The following MYO15A variants were observed in gnomAD, a reference collection of about 807,000 sequenced individuals.
The protein encoded by MYO15A is unconventional myosin-XV.
A neutral mutation model predicts 394.6 loss-of-function variants in MYO15A; 308 were observed. The observed-to-expected ratio is 0.78, with a 90% confidence interval of 0.71 to 0.86. MYO15A has a LOEUF of 0.86. Ranked by LOEUF, MYO15A falls within the 40% of genes least tolerant of loss-of-function variation. The probability of loss-of-function intolerance (pLI) is 0.00; values close to 1 mark genes in which losing one functional copy is unlikely to be tolerated. For missense variants in MYO15A, 4,606 were observed against 4,799.1 expected, an observed-to-expected ratio of 0.96 and a Z score of 1.19; for synonymous variants, 1,957 against 2,003.8, an observed-to-expected ratio of 0.98 and a Z score of 0.62.
intron 23 of MYO15A, 59 bp downstream of exon 23, chr17:18,141,829 ACT>A: frequency 6.5e-7 from 1 of 1,545,604 alleles, no homozygotes; most frequent in Non-Finnish European, 8.9e-7. Flanking sequence ...GTCCACAACT[ACT>A]GAGTCAGAAA....
At chr17:18,126,654 G>A (rs1479429464) in intron 5 of MYO15A, 137 bp from the exon 6 acceptor site, 1 of 1,165,910 alleles carries the variant, frequency 8.6e-7, no homozygotes, top group Non-Finnish European at 1.3e-6. Context: ...ACCAGGATGG[G>A]GGTGGGAGCA....
Position 18,152,135 on chromosome 17 carries a change from G to A in MYO15A, c.7917G>A (p.Leu2639=). 6.4e-7 allele frequency: 1 copy of A among 1,551,636 alleles called. No individual in the cohort carries two copies. Among genetic ancestry groups the A allele is most frequent in the African/African-American group, 1.4e-5 (1 of 73,192 alleles). Residue 2639 remains leucine, a synonymous_variant, in exon 42 of 66, where the codon CTG becomes CTA. Transcript: ENST00000647165. ...AGGTGTCCAGAGAGGCCGTGGCCCT[G>A]GTGAAGCCGGTGACCAGTGCACCAA... The part of the protein sequence containing the change: ...GTQVSREAVA[L]VKPVTSAPRP...
In MYO15A at chr17:18,161,384, C is replaced by T. The variant is rs267604764; in HGVS notation, c.9454C>T (p.Leu3152Phe). The change falls in exon 57 of 66, where the codon CTC becomes TTC. Residue 3152 changes from leucine (L) to phenylalanine (F), a missense_variant. Physicochemically the swap from Leu to Phe is conservative, Grantham distance 22 (BLOSUM62 0). Coordinates refer to ENST00000647165, the MANE Select transcript of MYO15A (RefSeq NM_016239.4). ...CGCCTACCACAGCTGCTCTGAGGTC[C>T]TCCACCCACACCTCACTCGCTTCCT... Reference protein sequence around the residue: ...VTAYHSCSEVLHPHLTRFLQD... With the variant: ...VTAYHSCSEVFHPHLTRFLQD... The T allele has an allele frequency of 2.5e-6, 4 of 1,614,092 alleles. No individual in the cohort carries two copies. Among genetic ancestry groups the T allele is most frequent in the Non-Finnish European group, 3.4e-6 (4 of 1,180,022 alleles).
Position 18,120,350 on chromosome 17 carries a change from A to G in MYO15A, c.1550A>G (p.Glu517Gly), listed in dbSNP as rs1420715852. Reference protein sequence around the residue: ...LGDADEEEDEEELPPVSAVPY... With the variant: ...LGDADEEEDEGELPPVSAVPY... ...GATGCGGACGAAGAAGAGGACGAGGAGGAGCTGCCCCCGGTTTCCGCTGTG... is the reference window on the plus strand; with the variant it reads ...GATGCGGACGAAGAAGAGGACGAGGGGGAGCTGCCCCCGGTTTCCGCTGTG... Residue 517 changes from glutamate (E) to glycine (G), a missense_variant, in exon 2 of 66, where the codon GAG becomes GGG. Coordinates refer to ENST00000647165, the MANE Select transcript of MYO15A (RefSeq NM_016239.4). 2 of 1,612,166 alleles carry G rather than the reference A, an allele frequency of 1.2e-6. No homozygotes were observed. The highest frequency in any genetic ancestry group is 1.7e-6 in the Non-Finnish European group (2 of 1,179,964).
At chr17:18,138,368 G>GA (rs2046318557) in intron 17 of MYO15A, 122 bp downstream of exon 17, 1 of 1,272,288 alleles carries the variant, frequency 7.9e-7, no homozygotes, top group African/African-American at 1.5e-5. Flanking sequence ...GGGGGGTTGG[G>GA]ACACCCGACC....
Position 18,120,889 on chromosome 17 carries a change from C to T in MYO15A, c.2089C>T (p.Leu697Phe). The T allele has an allele frequency of 7.3e-7, 1 of 1,377,426 alleles. No homozygotes were observed. The highest frequency in any genetic ancestry group is 1.5e-5 in the African/African-American group (1 of 64,678). The allele number at this position is 1,377,426 out of a possible 1,614,324, so 85.3% of individuals were successfully genotyped here. A position where few individuals can be genotyped will look rare whatever the true frequency, so the allele number is the denominator to read the frequency against. Residue 697 changes from leucine to phenylalanine, a missense_variant, in exon 2 of 66, where the codon CTC becomes TTC. Leu to Phe is a conservative substitution (Grantham distance 22). Transcript: ENST00000647165. ...CCGGCCGGCCTCGCCCTACGGCTCC[C>T]TCCGCCGCCACCCGCCGCCCTGGGC... is the stretch of plus-strand genomic sequence containing the variant. Reference protein sequence around the residue: ...LPRPASPYGSLRRHPPPWAAP... With the variant: ...LPRPASPYGSFRRHPPPWAAP...
chr17:18,121,148 C>T lies in MYO15A; in HGVS notation c.2348C>T (p.Ser783Leu), dbSNP rs2045918653. 4.0e-6 allele frequency: 6 copies of T among 1,510,734 alleles called. No homozygotes were observed. Among genetic ancestry groups the T allele is most frequent in the Non-Finnish European group, 5.3e-6 (6 of 1,135,726 alleles). 93.6% of individuals were successfully genotyped at this position (1,510,734 alleles called of 1,614,324 possible). ...LASPQPSLRSSPGLGYCSPLA... is the reference protein window; with the variant it reads ...LASPQPSLRSLPGLGYCSPLA... ...TCGCCCCAGCCCTCGCTGAGGAGCT[C>T]GCCGGGCCTCGGCTACTGCTCACCC... is the stretch of plus-strand genomic sequence containing the variant. The change falls in exon 2 of 66, where the codon TCG becomes TTG. Residue 783 changes from serine (S) to leucine (L), a missense_variant. Ser to Leu is a moderately radical substitution (Grantham distance 145). This residue lies in a region of MYO15A where 1,830 missense variants were observed against 1,689.7 expected (regional missense o/e 1.08). Transcript: ENST00000647165. This position sits in a 1 kb window ranked among gnomAD's most constrained non-coding sequence, Gnocchi z 5.3.
rs753993808 is a variant in MYO15A, at chr17:18,146,054, C to T, written c.6456C>T (p.Ala2152=). 7.4e-6 allele frequency: 12 copies of T among 1,613,872 alleles called. No individual in the cohort carries two copies. Among genetic ancestry groups the T allele is most frequent in the East Asian group, 2.2e-5 (1 of 44,892 alleles). The change falls in exon 30 of 66, where the codon GCC becomes GCT. Residue 2152 remains alanine (A), a synonymous_variant. Coordinates refer to ENST00000647165, the MANE Select transcript of MYO15A (RefSeq NM_016239.4). The part of the protein sequence containing the change: ...HNAERGWLLL[A]ACLSGFAPSP... ...CTGAGCGGGGCTGGCTGCTGCTGGC[C>T]GCCTGCCTCAGTGGCTTTGCACCTT...
chr17:18,113,797 GACACACACACACACACACAC>G (rs4025536), intron 1 of MYO15A, among the ~76,000 whole-genome samples: 1 of 138,838 alleles, frequency 7.2e-6, no homozygotes, highest in Non-Finnish European at 1.5e-5. Context: ...CACCTCCCCT[GACACACACACACACACACAC>G]ACACACACAC....
chr17:18,159,281 C>G lies in MYO15A; in HGVS notation c.9163C>G (p.Leu3055Val). ...CAGCCCTCTTCCCCCACAGACTCCC[C>G]TCCAGGAATCCCTCATCGAACTCAG... ...EDMLCFTKTPLQESLIELSDS... is the reference protein window; with the variant it reads ...EDMLCFTKTPVQESLIELSDS... Residue 3055 changes from leucine to valine, a missense_variant, in exon 54 of 66, where the codon CTC becomes GTC. Around this residue, in one of 2 missense-constraint regions of MYO15A, gnomAD observed 2,776 missense variants for 3,109.3 expected, o/e 0.89. Coordinates refer to ENST00000647165, the MANE Select transcript of MYO15A (RefSeq NM_016239.4). 6.2e-7 allele frequency: 1 copy of G among 1,614,200 alleles called. No individual in the cohort carries two copies. Among genetic ancestry groups the G allele is most frequent in the Non-Finnish European group, 8.5e-7 (1 of 1,180,016 alleles).
At chr17:18,135,637 G>C in intron 12 of MYO15A, 74 bp from the exon 13 acceptor site, 3 of 1,426,170 alleles carry the variant, frequency 2.1e-6, no homozygotes, top group South Asian at 1.2e-5. Flanking sequence ...CACAGTGCCC[G>C]GCCCTGTTTT....
chr17:18,136,526 CG>C, intron 14 of MYO15A, 36 bp from the exon 15 acceptor site: 1 of 1,613,866 alleles, frequency 6.2e-7, no homozygotes, highest in South Asian at 1.1e-5. Context: ...CACCCCACCA[CG>C]GTGTCCTGCT....
intron 30 of MYO15A, among the ~76,000 whole-genome samples, chr17:18,146,635 C>T (rs1048601778): frequency 6.6e-6 from 1 of 152,166 alleles, no homozygotes; most frequent in African/African-American, 2.4e-5. Context: ...GCTAAAACAT[C>T]AGCACAAGAC....
At chr17:18,170,692 T>C (rs965216263) in intron 62 of MYO15A, among the ~76,000 whole-genome samples, 1 of 152,080 alleles carries the variant, frequency 6.6e-6, no homozygotes, top group African/African-American at 2.4e-5. Flanking sequence ...TTTTAATGTA[T>C]AATTTTAAGT....
chr17:18,152,085 C>T (rs1436048678), intron 41 of MYO15A, 27 bp from the exon 42 acceptor site: 72 of 1,550,902 alleles, frequency 4.6e-5, no homozygotes, highest in Non-Finnish European at 6.0e-5. Flanking sequence ...CTGTTGCCCC[C>T]TGAGCAGTCT....
Position 18,163,797 on chromosome 17 carries a change from A to T in MYO15A, c.9746A>T (p.Glu3249Val), listed in dbSNP as rs1348309190. Reference sequence around the variant, plus strand: ...GCTGAGATGGCTCTGACACGCCCTGAGGCCTTCAATGAATATGTTATCTTC... The same window carrying T: ...GCTGAGATGGCTCTGACACGCCCTGTGGCCTTCAATGAATATGTTATCTTC... Reference protein sequence around the residue: ...ICAEMALTRPEAFNEYVIFVV... With the variant: ...ICAEMALTRPVAFNEYVIFVV... The change falls in exon 60 of 66, where the codon GAG becomes GTG. Residue 3249 changes from glutamate (E) to valine (V), a missense_variant. Physicochemically the swap from Glu to Val is moderately radical, Grantham distance 121. This residue lies in a region of MYO15A where 2,776 missense variants were observed against 3,109.3 expected (regional missense o/e 0.89). Transcript: ENST00000647165. The T allele has an allele frequency of 1.2e-6, 2 of 1,614,092 alleles. No individual in the cohort carries two copies. Among genetic ancestry groups the T allele is most frequent in the Non-Finnish European group, 1.7e-6 (2 of 1,179,978 alleles).
At chr17:18,127,308 C>T (rs1248375848) in intron 7 of MYO15A, 143 bp downstream of exon 7, 8 of 972,614 alleles carry the variant, frequency 8.2e-6, no homozygotes, top group Non-Finnish European at 1.2e-5. Context: ...CCCAGGGCTG[C>T]TTTTTCTGCC....
chr17:18,156,528 C>T (rs2142385212), intron 48 of MYO15A, among the ~76,000 whole-genome samples, 192 bp downstream of exon 48: 1 of 152,362 alleles, frequency 6.6e-6, no homozygotes, highest in Non-Finnish European at 1.5e-5. Flanking sequence ...TGCCAGTGCC[C>T]CCTGCCGGGT....
chr17:18,120,802 C>A lies in MYO15A; in HGVS notation c.2002C>A (p.Arg668=). The A allele has an allele frequency of 7.7e-7, 1 of 1,299,288 alleles. No homozygotes were observed. Among genetic ancestry groups the A allele is most frequent in the Admixed American group, 4.1e-5 (1 of 24,648 alleles). The allele number at this position is 1,299,288 out of a possible 1,614,324, so 80.5% of individuals were successfully genotyped here. ...GCTCCTGTCTCCGCCCGTGCCCCCGCGGCCCCCAAGCTCCGGGCCCCCGCC... is the reference window on the plus strand; with the variant it reads ...GCTCCTGTCTCCGCCCGTGCCCCCGAGGCCCCCAAGCTCCGGGCCCCCGCC... ...SALLSPPVPP[R]PPSSGPPPAP... The change falls in exon 2 of 66, where the codon CGG becomes AGG. Residue 668 remains arginine, a synonymous_variant. Transcript: ENST00000647165.
Sources: allele counts gnomAD v4.1 joint callset (sites outside exome capture counted in the v4.1 genomes callset), GRCh38; gene constraint gnomAD v4.1.1; regional missense constraint gnomAD v4.1.1; non-coding constraint Gnocchi (gnomAD v3.1); transcripts MANE v1.5; gene names NCBI Gene and HGNC (gene_info 2026-07-23, HGNC 2026-07-21).